DOCK1: variants seen among roughly 807,000 people sequenced by gnomAD.
DOCK1 encodes dedicator of cytokinesis 1.
DOCK1 carries 138 observed loss-of-function variants against 262.7 expected under a neutral mutation model. The ratio of observed to expected loss-of-function variants is 0.53; its 90% CI spans 0.46 to 0.61. The LOEUF (loss-of-function observed/expected upper bound fraction) is 0.61. Among genes scored for constraint, DOCK1 ranks in the 20% least tolerant of loss-of-function variants. The pLI is 0.00. For synonymous variants in DOCK1, 866 were observed against 867.4 expected (o/e 1.00, Z 0.03); for missense variants, 1,908 against 2,370.7 (o/e 0.80, Z 4.05).
At chr10:127,410,676 A>G (rs1476780038) in intron 42 of DOCK1, among the ~76,000 whole-genome samples, 164 bp from the exon 43 acceptor site, 1 of 152,186 alleles carries the variant, frequency 6.6e-6, no homozygotes, top group Non-Finnish European at 1.5e-5. Context: ...TCCACCTGCC[A>G]ACATTTCCCT....
chr10:127,301,339 CTTTG>C (rs2061672898), intron 29 of DOCK1, among the ~76,000 whole-genome samples: 2 of 152,170 alleles, frequency 1.3e-5, no homozygotes, highest in African/African-American at 4.8e-5. Context: ...AGGCTGCTTC[CTTTG>C]TTTGAGCTGC....
intron 27 of DOCK1, among the ~76,000 whole-genome samples, chr10:127,156,491 T>G (rs1474560384): frequency 6.6e-6 from 1 of 151,998 alleles, no homozygotes; most frequent in Non-Finnish European, 1.5e-5. Context: ...AGAAATTGCT[T>G]TTCTGAATCT....
chr10:127,331,200 G>A (rs534093549), intron 29 of DOCK1, among the ~76,000 whole-genome samples: 2 of 152,320 alleles, frequency 1.3e-5, no homozygotes, highest in East Asian at 1.9e-4. Flanking sequence ...ATTAAGGAAA[G>A]GGTATACTGA....
At chr10:127,383,420 A>T (rs2065926318) in intron 37 of DOCK1, among the ~76,000 whole-genome samples, 1 of 152,226 alleles carries the variant, frequency 6.6e-6, no homozygotes, top group Non-Finnish European at 1.5e-5. Flanking sequence ...ATCCTCCAAT[A>T]AAAGTAGACC....
intron 23 of DOCK1, among the ~76,000 whole-genome samples, chr10:127,091,095 C>A (rs575985668): frequency 6.6e-6 from 1 of 151,886 alleles, no homozygotes; most frequent in South Asian, 2.1e-4. Flanking sequence ...CATTCTCCTG[C>A]CTCAGCCTCC....
intron 21 of DOCK1, among the ~76,000 whole-genome samples, chr10:127,049,010 A>G (rs1355165922): frequency 6.6e-6 from 1 of 152,240 alleles, no homozygotes. Flanking sequence ...TAGTAAAGCA[A>G]GAAGAAATAA....
chr10:127,424,170 G>C (rs2068676803), intron 46 of DOCK1, among the ~76,000 whole-genome samples: 1 of 152,186 alleles, frequency 6.6e-6, no homozygotes, highest in South Asian at 2.1e-4. Context: ...TCAGCCCCAA[G>C]TAGACATATA....
At position 126,987,469 on chromosome 10, in the gene DOCK1, T is replaced by G. The variant is rs75576631; in HGVS notation, c.228-52T>G. The G allele has an allele frequency of 5.5e-3, 7,937 of 1,455,168 alleles. 78 individuals are homozygous for G. Among genetic ancestry groups the G allele is most frequent in the East Asian group, 0.037 (1,495 of 40,338 alleles). The allele number at this position is 1,455,168 out of a possible 1,614,324, so 90.1% of individuals were successfully genotyped here. Reference sequence around the variant, plus strand: ...TGTGAAATTTACCAGGTACTACTCATAGCAGGCAGTGAAACCGTGGACTCA... The same window carrying G: ...TGTGAAATTTACCAGGTACTACTCAGAGCAGGCAGTGAAACCGTGGACTCA... On this transcript the variant is annotated intron_variant, in intron 4 of 51. Transcript: ENST00000623213.
At chr10:127,305,425 C>T (rs781462160) in intron 29 of DOCK1, among the ~76,000 whole-genome samples, 1 of 152,132 alleles carries the variant, frequency 6.6e-6, no homozygotes, top group Non-Finnish European at 1.5e-5. Flanking sequence ...GACTTGCTTC[C>T]CTGGAAATCT....
chr10:127,000,693 T>G (rs2040519030), intron 10 of DOCK1: 1 of 173,014 alleles, frequency 5.8e-6, no homozygotes, highest in Admixed American at 6.0e-5. Flanking sequence ...AGGCAAACTG[T>G]GAAGAGAACG....
intron 13 of DOCK1, among the ~76,000 whole-genome samples, chr10:127,019,663 C>T (rs2042272960): frequency 6.6e-6 from 1 of 152,154 alleles, no homozygotes; most frequent in Non-Finnish European, 1.5e-5. Context: ...GTGGAGGAAT[C>T]ACTTGAACCT....
At chr10:126,953,835 G>A (rs1218618226) in intron 1 of DOCK1, among the ~76,000 whole-genome samples, 2 of 152,130 alleles carry the variant, frequency 1.3e-5, no homozygotes, top group African/African-American at 4.8e-5. Context: ...TTGGGGAACT[G>A]CAGGGAGAGG....
chr10:127,363,010 T>C (rs1226811778), intron 33 of DOCK1, among the ~76,000 whole-genome samples: 36 of 40,634 alleles, frequency 8.9e-4, no homozygotes, highest in African/African-American at 1.4e-3. Flanking sequence ...CACACGCACA[T>C]CCCCACACAC....
intron 27 of DOCK1, among the ~76,000 whole-genome samples, chr10:127,200,130 C>T (rs1458165712): frequency 6.6e-6 from 1 of 152,158 alleles, no homozygotes; most frequent in East Asian, 1.9e-4. Flanking sequence ...TACACAAAAG[C>T]GGTCCCGATC....
chr10:127,344,494 G>A (rs2063549220), intron 31 of DOCK1: 1 of 152,158 alleles, frequency 6.6e-6, no homozygotes, highest in African/African-American at 2.4e-5. Context: ...CATTGGTGTT[G>A]CCACGTCATC....
chr10:127,413,917 A>ATTTT (rs368961860), intron 43 of DOCK1, among the ~76,000 whole-genome samples: 31 of 149,136 alleles, frequency 2.1e-4, no homozygotes, highest in African/African-American at 7.4e-4. Flanking sequence ...TTTTCTGAAA[A>ATTTT]TTTTTTTTTT....
chr10:127,364,862 TTC>T (rs1157360120), intron 33 of DOCK1, among the ~76,000 whole-genome samples: 3 of 151,362 alleles, frequency 2.0e-5, no homozygotes, highest in African/African-American at 7.3e-5. Flanking sequence ...TTTCCTCCCG[TTC>T]TCTCTCTTTT....
intron 2 of DOCK1, among the ~76,000 whole-genome samples, chr10:126,972,056 A>G (rs913009370): frequency 6.6e-6 from 1 of 152,000 alleles, no homozygotes; most frequent in Non-Finnish European, 1.5e-5. Context: ...AGCTGGGATT[A>G]CAGGCATGTG....
intron 1 of DOCK1, among the ~76,000 whole-genome samples, chr10:126,941,574 G>A (rs1317038035): frequency 5.3e-5 from 8 of 152,140 alleles, no homozygotes; most frequent in Admixed American, 3.9e-4. Flanking sequence ...GGCTAACACG[G>A]TGAAACCCTG....
Sources: gnomAD v4.1 joint callset for allele counts (sites outside exome capture counted in the v4.1 genomes callset) on GRCh38, gnomAD v4.1.1 for gene constraint, MANE v1.5 for transcripts, NCBI Gene and HGNC (gene_info 2026-07-23, HGNC 2026-07-21) for gene names.